UNC119B: variants seen among roughly 807,000 people sequenced by gnomAD.
The protein encoded by UNC119B is unc-119 lipid binding chaperone B.
Under a neutral mutation model 23.4 loss-of-function variants are expected in UNC119B, and 16 were observed. The ratio of observed to expected loss-of-function variants is 0.68; its 90% CI spans 0.46 to 1.04. The LOEUF (loss-of-function observed/expected upper bound fraction) is 1.04, where lower values mean the gene tolerates loss of function less well. Ranked by LOEUF, UNC119B falls within the 50% of genes least tolerant of loss-of-function variation. UNC119B has a pLI of 0.00. For synonymous variants in UNC119B, 144 were observed against 145.4 expected (o/e 0.99, Z 0.07); for missense variants, 350 against 361.3 (o/e 0.97, Z 0.25).
At chr12:120,714,401 A>T (rs964759696) in intron 2 of UNC119B, among the ~76,000 whole-genome samples, 1 of 151,770 alleles carries the variant, frequency 6.6e-6, no homozygotes, top group African/African-American at 2.4e-5. Flanking sequence ...GCTCACTGCA[A>T]CCTCTGCCTC....
In UNC119B at chr12:120,712,936, T is replaced by G. The variant is rs910128837; in HGVS notation, c.245-338T>G. 5.2e-5 allele frequency among the ~76,000 whole-genome samples: 8 copies of G among 152,396 alleles called. No homozygotes were observed. In the East Asian group the frequency reaches 1.2e-3, roughly 22 times the overall value. ...CTAAGTCAGTTTAAATGTCTTAGATTGGAATTCTATAAAAAGTTCGCCCTG... is the reference window on the plus strand; with the variant it reads ...CTAAGTCAGTTTAAATGTCTTAGATGGGAATTCTATAAAAAGTTCGCCCTG... On this transcript the variant is annotated intron_variant, in intron 1 of 4. Transcript: ENST00000344651.
At chr12:120,712,659 G>A (rs1160898892) in intron 1 of UNC119B, among the ~76,000 whole-genome samples, 1 of 152,288 alleles carries the variant, frequency 6.6e-6, no homozygotes, top group African/African-American at 2.4e-5. Flanking sequence ...GAGACACGTG[G>A]TTATGTAAAA....
intron 2 of UNC119B, among the ~76,000 whole-genome samples, chr12:120,715,917 C>A (rs1003687841): frequency 2.0e-5 from 3 of 152,164 alleles, no homozygotes; most frequent in Non-Finnish European, 4.4e-5. Flanking sequence ...TAGAGGCCAC[C>A]ACATCTGCTT....
intron 1 of UNC119B, chr12:120,710,977 C>A (rs1882653000): frequency 3.2e-6 from 1 of 308,228 alleles, no homozygotes; most frequent in Non-Finnish European, 5.9e-6. Context: ...GTCGGCTCCC[C>A]AGCTCTGCCG....
chr12:120,713,912 C>T (rs530905320), intron 2 of UNC119B, among the ~76,000 whole-genome samples: 1 of 152,260 alleles, frequency 6.6e-6, no homozygotes, highest in East Asian at 1.9e-4. Flanking sequence ...AGTTCCCAGA[C>T]CTAGTTTGGA....
intron 4 of UNC119B, among the ~76,000 whole-genome samples, chr12:120,717,447 C>A (rs895143198): frequency 6.6e-6 from 1 of 151,742 alleles, no homozygotes; most frequent in African/African-American, 2.4e-5. Context: ...TCAGTAGAGA[C>A]GGGATTTCAC....
chr12:120,720,516 C>T lies in UNC119B; in HGVS notation c.*484C>T, dbSNP rs1442428073. The T allele has an allele frequency of 1.3e-5, 2 of 150,246 alleles. No homozygotes were observed. Among genetic ancestry groups the T allele is most frequent in the Non-Finnish European group, 2.9e-5 (2 of 68,494 alleles). 9.3% of individuals were successfully genotyped at this position (150,246 alleles called of 1,614,324 possible). On this transcript the variant is annotated 3_prime_UTR_variant, in exon 5 of 5. Transcript: ENST00000344651. ...GCCATCAGCGCAGTCTGCCCTCGGT[C>T]TGTGTGAAGTCTTAAACCAACTGGA...
intron 2 of UNC119B, among the ~76,000 whole-genome samples, chr12:120,716,357 T>C (rs921804399): frequency 2.0e-5 from 3 of 152,190 alleles, no homozygotes; most frequent in Non-Finnish European, 4.4e-5. Flanking sequence ...CCTCTTACTG[T>C]TTGAGGGACT....
At chr12:120,712,428 G>A (rs1255517663) in intron 1 of UNC119B, among the ~76,000 whole-genome samples, 1 of 152,142 alleles carries the variant, frequency 6.6e-6, no homozygotes, top group Non-Finnish European at 1.5e-5. Context: ...GATGCTATCC[G>A]GAATCATCCT....
At chr12:120,717,649 G>A (rs879413190) in intron 4 of UNC119B, among the ~76,000 whole-genome samples, 1 of 150,834 alleles carries the variant, frequency 6.6e-6, no homozygotes. Flanking sequence ...TGCATCCTCC[G>A]TCTCCTGGGT....
chr12:120,713,532 G>C (rs756624786), intron 2 of UNC119B, 145 bp downstream of exon 2: 2 of 631,240 alleles, frequency 3.2e-6, no homozygotes, highest in Non-Finnish European at 5.6e-6. Flanking sequence ...GGTCTGCCAG[G>C]CATGGTGGTT....
rs752157101 is a variant in UNC119B, at chr12:120,710,945, A to T, written c.244+227A>T. 1.8e-4 allele frequency: 39 copies of T among 214,600 alleles called. 1 individual carries two copies. The highest frequency in any genetic ancestry group is 3.2e-4 in the Admixed American group (3 of 9,476). 13.3% of individuals were successfully genotyped at this position (214,600 alleles called of 1,614,324 possible). A position where few individuals can be genotyped will look rare whatever the true frequency, so the allele number is the denominator to read the frequency against. ...GGACCGCATTCCTGTGAGTCCGGCC[A>T]CGCTAGGATGCCCTTCGGCCGGTCG... On this transcript the variant is annotated intron_variant, in intron 1 of 4. Coordinates refer to ENST00000344651, the MANE Select transcript of UNC119B (RefSeq NM_001080533.3).
chr12:120,715,798 G>T (rs1882769293), intron 2 of UNC119B, among the ~76,000 whole-genome samples: 1 of 152,270 alleles, frequency 6.6e-6, no homozygotes, highest in Non-Finnish European at 1.5e-5. Context: ...CTCCAAAAGT[G>T]CTGGGATTAC....
In UNC119B at chr12:120,720,322, G is replaced by C. The variant is rs372430072; in HGVS notation, c.*290G>C. 3.4e-6 allele frequency: 1 copy of C among 291,620 alleles called. No homozygotes were observed. The allele number at this position is 291,620 out of a possible 1,614,324, so 18.1% of individuals were successfully genotyped here. On this transcript the variant is annotated 3_prime_UTR_variant, in exon 5 of 5. Transcript: ENST00000344651. ...ATCCAGATAAAAAAGTTTATTTTCC[G>C]TAGTTCTGGCTGCCTGTTGGTTGTC... is the stretch of plus-strand genomic sequence containing the variant.
chr12:120,714,623 T>C (rs1458051652), intron 2 of UNC119B, among the ~76,000 whole-genome samples: 1 of 152,040 alleles, frequency 6.6e-6, no homozygotes, highest in African/African-American at 2.4e-5. Context: ...TGGTTGCTTA[T>C]GGGTAGTTTT....
At position 120,710,627 on chromosome 12, in the gene UNC119B, C is replaced by T; in HGVS notation, c.153C>T (p.Asp51=). 1.4e-6 allele frequency: 2 copies of T among 1,443,502 alleles called. No homozygotes were observed. The highest frequency in any genetic ancestry group is 1.8e-6 in the Non-Finnish European group (2 of 1,102,910). The allele number at this position is 1,443,502 out of a possible 1,614,324, so 89.4% of individuals were successfully genotyped here. ...RRQAPHHAAD[D]GVGAAVTEQE... ...AGGCGCCCCACCACGCGGCCGACGA[C>T]GGCGTCGGGGCAGCGGTCACGGAGC... The change falls in exon 1 of 5, where the codon GAC becomes GAT. Residue 51 remains aspartate, a synonymous_variant. Coordinates refer to ENST00000344651, the MANE Select transcript of UNC119B (RefSeq NM_001080533.3).
intron 2 of UNC119B, among the ~76,000 whole-genome samples, chr12:120,716,173 G>C (rs996975208): frequency 6.6e-6 from 1 of 152,178 alleles, no homozygotes; most frequent in Non-Finnish European, 1.5e-5. Context: ...TTGGTTAACT[G>C]CAGACCTAGT....
In UNC119B at chr12:120,720,936, T is replaced by A. The variant is rs1882885303; in HGVS notation, c.*904T>A. 1 of 152,230 alleles carries A rather than the reference T, an allele frequency of 6.6e-6. No individual in the cohort carries two copies. Among genetic ancestry groups the A allele is most frequent in the Non-Finnish European group, 1.5e-5 (1 of 68,034 alleles). The allele number at this position is 152,230 out of a possible 1,614,324, so 9.4% of individuals were successfully genotyped here. ...CAGCATATGTGATATGTGGTTAGAC[T>A]TCTGATAGTATCAGCTTCCAGGGGC... On this transcript the variant is annotated 3_prime_UTR_variant, in exon 5 of 5. Transcript: ENST00000344651.
intron 1 of UNC119B, among the ~76,000 whole-genome samples, chr12:120,712,869 AGTTGGCAAACTAAC>A (rs1001565429): frequency 6.6e-6 from 1 of 152,240 alleles, no homozygotes; most frequent in Non-Finnish European, 1.5e-5. Context: ...TTACACTGAC[AGTTGGCAAACTAAC>A]GTTGGCAAAC....
Sources: allele counts gnomAD v4.1 joint callset (sites outside exome capture counted in the v4.1 genomes callset), GRCh38; gene constraint gnomAD v4.1.1; transcripts MANE v1.5; gene names NCBI Gene and HGNC (gene_info 2026-07-23, HGNC 2026-07-21).